Variants in CACNA1D observed in about 807,000 individuals in gnomAD.
CACNA1D encodes calcium voltage-gated channel subunit alpha1 D, also known as voltage-dependent L-type calcium channel subunit alpha-1D.
CACNA1D carries 55 observed loss-of-function variants against 257.1 expected under a neutral mutation model. The observed-to-expected ratio is 0.21, with a 90% CI of 0.17 to 0.27. The LOEUF (loss-of-function observed/expected upper bound fraction) is 0.27, where lower values mean the gene tolerates loss of function less well. Ranked by LOEUF, CACNA1D falls within the 10% of genes least tolerant of loss-of-function variation. The pLI is 1.00. For missense variants in CACNA1D, 1,876 were observed against 2,784.0 expected, an observed-to-expected ratio of 0.67 and a Z score of 7.34; for synonymous variants, 980 against 1,014.9, an observed-to-expected ratio of 0.97 and a Z score of 0.65.
rs760588220 is a variant in CACNA1D, at chr3:53,520,878, CTTTCTTTCTTTCTTTCTTTTCT to C, written c.483+19166_483+19187del. ...TCTTTCTTTCTTTCTTTCTTTCTTT[CTTTCTTTCTTTCTTTCTTTTCT>C]TTTCTTTTCTTTTCTTTTTCTTTCT... On this transcript the variant is annotated intron_variant, in intron 3 of 47. Transcript: ENST00000350061. 6.6e-3 allele frequency among the ~76,000 whole-genome samples: 544 copies of C among 82,106 alleles called. 1 individual carries two copies. The highest frequency in any genetic ancestry group is 0.024 in the African/African-American group (331 of 13,846). 53.9% of individuals were successfully genotyped at this position (82,106 alleles called of 152,430 possible).
At chr3:53,592,964 C>T (rs2093326208) in intron 3 of CACNA1D, among the ~76,000 whole-genome samples, 1 of 152,178 alleles carries the variant, frequency 6.6e-6, no homozygotes. Context: ...GCTGGGATTA[C>T]AGGTGTGAGC....
At chr3:53,717,775 G>A (rs999592799) in intron 9 of CACNA1D, among the ~76,000 whole-genome samples, 2 of 152,136 alleles carry the variant, frequency 1.3e-5, no homozygotes, top group African/African-American at 2.4e-5. Context: ...AAAAAATAGA[G>A]TTCTTAACTC....
intron 3 of CACNA1D, among the ~76,000 whole-genome samples, chr3:53,581,118 C>G (rs1049193759): frequency 6.6e-6 from 1 of 152,142 alleles, no homozygotes; most frequent in African/African-American, 2.4e-5. Flanking sequence ...TTATCCAGCT[C>G]ACAAGAAAGA....
At chr3:53,553,521 G>A (rs547370261) in intron 3 of CACNA1D, among the ~76,000 whole-genome samples, 2 of 152,340 alleles carry the variant, frequency 1.3e-5, no homozygotes, top group East Asian at 1.9e-4. Context: ...AAAATGTAAT[G>A]TGTGTGTATG....
At chr3:53,520,398 G>A (rs1004545343) in intron 3 of CACNA1D, among the ~76,000 whole-genome samples, 5 of 152,198 alleles carry the variant, frequency 3.3e-5, no homozygotes, top group Non-Finnish European at 7.4e-5. Context: ...ACTAATAATA[G>A]TGAGCATCTT....
intron 3 of CACNA1D, among the ~76,000 whole-genome samples, chr3:53,519,693 A>G (rs762037206): frequency 2.0e-5 from 3 of 152,202 alleles, no homozygotes; most frequent in African/African-American, 7.2e-5. Flanking sequence ...AAATCATACA[A>G]TTCAGTGTTT....
chr3:53,647,142 ACAT>A (rs1299608612), intron 3 of CACNA1D, among the ~76,000 whole-genome samples: 1 of 151,436 alleles, frequency 6.6e-6, no homozygotes, highest in Non-Finnish European at 1.5e-5. Flanking sequence ...GAGTGGGGGG[ACAT>A]CCGTCCATAT....
intron 39 of CACNA1D, among the ~76,000 whole-genome samples, chr3:53,783,914 G>A (rs1576655300): frequency 6.6e-6 from 1 of 152,236 alleles, no homozygotes; most frequent in African/African-American, 2.4e-5. Flanking sequence ...AGGAGACTGA[G>A]TAAGGCCAGC....
chr3:53,706,990 A>C (rs544302963), intron 9 of CACNA1D, among the ~76,000 whole-genome samples: 1 of 152,200 alleles, frequency 6.6e-6, no homozygotes, highest in East Asian at 1.9e-4. Flanking sequence ...AGAAACTATA[A>C]AGTTCTGAAG....
chr3:53,587,481 T>C (rs994006345), intron 3 of CACNA1D, among the ~76,000 whole-genome samples: 1 of 152,156 alleles, frequency 6.6e-6, no homozygotes, highest in African/African-American at 2.4e-5. Context: ...GAGCATGGAC[T>C]CATTTTGGGA....
At chr3:53,565,736 A>G (rs2092822699) in intron 3 of CACNA1D, among the ~76,000 whole-genome samples, 1 of 152,228 alleles carries the variant, frequency 6.6e-6, no homozygotes, top group Non-Finnish European at 1.5e-5. Context: ...TGCATCTTCT[A>G]TGATTAAGTT....
chr3:53,702,873 G>A (rs761444808), intron 9 of CACNA1D, 63 bp downstream of exon 9: 72 of 1,576,748 alleles, frequency 4.6e-5, no homozygotes, highest in Non-Finnish European at 5.7e-5. Context: ...ACGCCTAGCA[G>A]TAGGCCTTCC....
At chr3:53,617,307 A>T (rs2093648360) in intron 3 of CACNA1D, among the ~76,000 whole-genome samples, 1 of 151,912 alleles carries the variant, frequency 6.6e-6, no homozygotes, top group African/African-American at 2.4e-5. Flanking sequence ...GGGTGGAGGT[A>T]GTGAGGGGAG....
chr3:53,584,755 C>G (rs868760234), intron 3 of CACNA1D, among the ~76,000 whole-genome samples: 2 of 152,330 alleles, frequency 1.3e-5, no homozygotes, highest in Middle Eastern at 3.4e-3. Context: ...ATTGCTGCAG[C>G]TGTCGTCTTG....
intron 9 of CACNA1D, among the ~76,000 whole-genome samples, chr3:53,712,052 C>T (rs2094762933): frequency 1.3e-5 from 2 of 152,316 alleles, no homozygotes; most frequent in South Asian, 4.1e-4. Context: ...TCTTTAAAGA[C>T]TGACATAGGA....
rs892244179 is a variant in CACNA1D, at chr3:53,798,417, C to T, written c.4924-1832C>T. ...TATGTGTACACACATGCATCCTGAG[C>T]CTGTGATCAGAGGGACAGGAGAGCA... is the stretch of plus-strand genomic sequence containing the variant. On this transcript the variant is annotated intron_variant, in intron 40 of 47. Transcript: ENST00000350061. Among the ~76,000 whole-genome samples, 3 of 152,270 alleles carry T rather than the reference C, an allele frequency of 2.0e-5. No individual in the cohort carries two copies. In the South Asian group the frequency reaches 6.2e-4, roughly 32 times the overall value.
At position 53,800,547 on chromosome 3, in the gene CACNA1D, C is replaced by G. The variant is rs958407831; in HGVS notation, c.5040+182C>G. The G allele has an allele frequency of 1.5e-6, 1 of 685,170 alleles. No individual in the cohort carries two copies. Among genetic ancestry groups the G allele is most frequent in the African/African-American group, 1.7e-5 (1 of 57,230 alleles). 42.4% of individuals were successfully genotyped at this position (685,170 alleles called of 1,614,324 possible). ...CCCTCCCCAGGCATCAGCACCTCTT[C>G]TAGGGCCAGGCCAGCTCTTTCCCTG... On this transcript the variant is annotated intron_variant, in intron 41 of 47. Transcript: ENST00000350061. This position sits in a 1 kb window ranked among gnomAD's most constrained non-coding sequence, Gnocchi z 4.3.
In CACNA1D at chr3:53,495,632, C is replaced by G. The variant is rs1014799074; in HGVS notation, c.67+399C>G. Among the ~76,000 whole-genome samples, 9 of 152,240 alleles carry G rather than the reference C, an allele frequency of 5.9e-5. No individual in the cohort carries two copies. The highest frequency in any genetic ancestry group is 1.3e-4 in the Non-Finnish European group (9 of 68,032). On this transcript the variant is annotated intron_variant, in intron 1 of 47. Transcript: ENST00000350061. The surrounding 1 kb of genome is among the most constrained non-coding windows in gnomAD (Gnocchi z 5.1). ...TCTCGCCTTCCACTCCTCCCCCGCC[C>G]CCTCGTTGACTAGGAAGAAGGTCCC...
chr3:53,614,029 A>T (rs1464195173), intron 3 of CACNA1D, among the ~76,000 whole-genome samples: 1 of 151,494 alleles, frequency 6.6e-6, no homozygotes, highest in East Asian at 1.9e-4. Context: ...GTGCTGGCGC[A>T]TACCTGTAGT....
Sources: gnomAD v4.1 joint callset for allele counts (sites outside exome capture counted in the v4.1 genomes callset) on GRCh38, gnomAD v4.1.1 for gene constraint, Gnocchi (gnomAD v3.1) non-coding constraint, MANE v1.5 for transcripts, NCBI Gene and HGNC (gene_info 2026-07-23, HGNC 2026-07-21) for gene names.